The following CCSER1 variants were observed in gnomAD, a reference collection of about 807,000 sequenced individuals.
CCSER1 encodes coiled-coil serine rich protein 1.
CCSER1 carries 41 observed loss-of-function variants against 82.0 expected under a neutral mutation model. The ratio of observed to expected loss-of-function variants is 0.50; its 90% CI spans 0.39 to 0.65. The LOEUF (loss-of-function observed/expected upper bound fraction) is 0.65, where lower values mean the gene tolerates loss of function less well. CCSER1 is among the 30% of genes least tolerant of loss of function. CCSER1 has a pLI of 0.00. For synonymous variants in CCSER1, 414 were observed against 383.9 expected (o/e 1.08, Z -0.92); for missense variants, 1,119 against 1,064.2 (o/e 1.05, Z -0.72).
At chr4:90,500,340 AT>A (rs369132506) in intron 5 of CCSER1, among the ~76,000 whole-genome samples, 2,731 of 145,218 alleles carry the variant, frequency 0.019, 27 homozygotes, top group Middle Eastern at 0.032. Context: ...CTTGATCCAC[AT>A]TTTTTTTTTT....
chr4:91,345,301 C>T (rs1259806109), intron 10 of CCSER1, among the ~76,000 whole-genome samples: 2 of 152,086 alleles, frequency 1.3e-5, no homozygotes, highest in South Asian at 2.1e-4. Flanking sequence ...GCAGGAGAAT[C>T]GCTTGAACCT....
At chr4:90,418,494 A>G (rs575446317) in intron 4 of CCSER1, among the ~76,000 whole-genome samples, 1 of 152,178 alleles carries the variant, frequency 6.6e-6, no homozygotes, top group South Asian at 2.1e-4. Context: ...AATAAATAAT[A>G]TTTATTGAGT....
chr4:90,840,738 G>A (rs1265616713), intron 8 of CCSER1, among the ~76,000 whole-genome samples: 2 of 152,158 alleles, frequency 1.3e-5, no homozygotes, highest in East Asian at 3.9e-4. Flanking sequence ...CATGAAAGCT[G>A]TAAAGCTCCT....
intron 5 of CCSER1, among the ~76,000 whole-genome samples, chr4:90,593,435 G>A (rs1042391389): frequency 6.6e-6 from 1 of 152,038 alleles, no homozygotes; most frequent in African/African-American, 2.4e-5. Context: ...CAGGCCCGAG[G>A]ATAGAGACTC....
At chr4:90,864,546 G>T (rs1025925222) in intron 8 of CCSER1, among the ~76,000 whole-genome samples, 8 of 151,972 alleles carry the variant, frequency 5.3e-5, no homozygotes, top group African/African-American at 1.9e-4. Context: ...ATCATAAGGT[G>T]TGGCCCCCCA....
At chr4:90,616,391 A>G (rs1254398814) in intron 5 of CCSER1, among the ~76,000 whole-genome samples, 1 of 152,070 alleles carries the variant, frequency 6.6e-6, no homozygotes, top group Admixed American at 6.6e-5. Context: ...AAGAGAAAAA[A>G]TGTTTTAGAC....
chr4:90,541,531 G>A (rs2153635987), intron 5 of CCSER1, among the ~76,000 whole-genome samples: 1 of 152,156 alleles, frequency 6.6e-6, no homozygotes, highest in Non-Finnish European at 1.5e-5. Flanking sequence ...CACGGTGAAA[G>A]TTAGCAAAGG....
chr4:91,513,438 C>T (rs2110121048), intron 10 of CCSER1, among the ~76,000 whole-genome samples: 1 of 152,160 alleles, frequency 6.6e-6, no homozygotes, highest in East Asian at 1.9e-4. Flanking sequence ...TCCCATGAGT[C>T]TTTGCCAGGT....
At chr4:90,517,251 C>T (rs1382576273) in intron 5 of CCSER1, among the ~76,000 whole-genome samples, 8 of 152,070 alleles carry the variant, frequency 5.3e-5, no homozygotes, top group Non-Finnish European at 8.8e-5. Context: ...ACTTGAAGTA[C>T]GACTTCTACT....
chr4:90,917,429 C>T (rs900724949), intron 8 of CCSER1, among the ~76,000 whole-genome samples: 1 of 152,078 alleles, frequency 6.6e-6, no homozygotes, highest in Non-Finnish European at 1.5e-5. Context: ...AAAACAAACA[C>T]CGCATGTTCT....
At chr4:90,855,278 A>G (rs1312620411) in intron 8 of CCSER1, among the ~76,000 whole-genome samples, 1 of 152,090 alleles carries the variant, frequency 6.6e-6, no homozygotes, top group African/African-American at 2.4e-5. Context: ...TTCTACCACC[A>G]CCACTGCTCA....
intron 10 of CCSER1, among the ~76,000 whole-genome samples, chr4:91,455,325 T>G (rs1756095545): frequency 6.6e-6 from 1 of 152,130 alleles, no homozygotes; most frequent in African/African-American, 2.4e-5. Flanking sequence ...TCTCAAAAAT[T>G]CATATTTTTG....
At chr4:90,817,196 T>C (rs1426411559) in intron 8 of CCSER1, among the ~76,000 whole-genome samples, 2 of 152,126 alleles carry the variant, frequency 1.3e-5, no homozygotes, top group Non-Finnish European at 2.9e-5. Context: ...TATCTTTGAG[T>C]TGACTAAATA....
intron 7 of CCSER1, among the ~76,000 whole-genome samples, chr4:90,734,506 G>A (rs1350518001): frequency 1.3e-5 from 2 of 151,926 alleles, no homozygotes; most frequent in African/African-American, 4.8e-5. Context: ...GTGTTTTATG[G>A]TTTTCATTGT....
At position 90,685,696 on chromosome 4, in the gene CCSER1, C is replaced by A. The variant is rs1316092306; in HGVS notation, c.1933-38218C>A. On this transcript the variant is annotated intron_variant, in intron 6 of 10. Transcript: ENST00000509176. ...GGTGAAGAAGTGTTTCACTCTCTGC[C>A]CAACTTTTGGTAATTGGAAAACAGG... is the stretch of plus-strand genomic sequence containing the variant. Among the ~76,000 whole-genome samples, 3 of 152,106 alleles carry A rather than the reference C, an allele frequency of 2.0e-5. No homozygotes were observed. In the East Asian group the frequency reaches 5.8e-4, roughly 29 times the overall value.
At chr4:90,728,830 A>T (rs1280669386) in intron 7 of CCSER1, among the ~76,000 whole-genome samples, 1 of 152,212 alleles carries the variant, frequency 6.6e-6, no homozygotes, top group East Asian at 1.9e-4. Flanking sequence ...GTAGAAAAAA[A>T]GATGCAGTAA....
intron 10 of CCSER1, among the ~76,000 whole-genome samples, chr4:91,289,589 C>A (rs1357904774): frequency 6.6e-6 from 1 of 151,922 alleles, no homozygotes; most frequent in African/African-American, 2.4e-5. Context: ...ATGGTCTCAT[C>A]TGTAAACTCA....
In CCSER1 at chr4:90,925,621, A is replaced by G. The variant is rs368691667; in HGVS notation, c.2172+2174A>G. Among the ~76,000 whole-genome samples, 111 of 152,268 alleles carry G rather than the reference A, an allele frequency of 7.3e-4. 1 individual carries two copies. Among genetic ancestry groups the G allele is most frequent in the African/African-American group, 2.3e-3 (95 of 41,554 alleles). On this transcript the variant is annotated intron_variant, in intron 9 of 10. Transcript: ENST00000509176. ...CCAGCAGCCTCTTACGTATTTGCCT[A>G]TCCATGCCTCATAATTTTCTAATTT...
At chr4:91,514,378 T>C (rs1417332153) in intron 10 of CCSER1, among the ~76,000 whole-genome samples, 4 of 152,164 alleles carry the variant, frequency 2.6e-5, no homozygotes, top group African/African-American at 9.6e-5. Flanking sequence ...GTTATGTATG[T>C]GGTTGATGTT....
Sources: gnomAD v4.1 joint callset for allele counts (sites outside exome capture counted in the v4.1 genomes callset) on GRCh38, gnomAD v4.1.1 for gene constraint, MANE v1.5 for transcripts, NCBI Gene and HGNC (gene_info 2026-07-23, HGNC 2026-07-21) for gene names.